The following CDH10 variants were observed in gnomAD, a reference collection of about 807,000 sequenced individuals.
The protein encoded by CDH10 is cadherin-10.
A neutral mutation model predicts 73.1 loss-of-function variants in CDH10; 30 were observed. The observed-to-expected ratio is 0.41, with a 90% CI of 0.31 to 0.56. The LOEUF (loss-of-function observed/expected upper bound fraction) is 0.56, where lower values mean the gene tolerates loss of function less well. Among genes scored for constraint, CDH10 ranks in the 20% least tolerant of loss-of-function variants. The probability of loss-of-function intolerance (pLI) is 0.27; values close to 1 mark genes in which losing one functional copy is unlikely to be tolerated. For synonymous variants in CDH10, 345 were observed against 348.2 expected, an observed-to-expected ratio of 0.99 and a Z score of 0.10; for missense variants, 815 against 973.7, an observed-to-expected ratio of 0.84 and a Z score of 2.17.
chr5:24,497,914 A>G (rs1246375588), intron 9 of CDH10, among the ~76,000 whole-genome samples: 1 of 152,228 alleles, frequency 6.6e-6, no homozygotes, highest in Non-Finnish European at 1.5e-5. Context: ...GATGAAATGC[A>G]ATATGTAAGT....
intron 1 of CDH10, among the ~76,000 whole-genome samples, chr5:24,599,453 A>G (rs1174203259): frequency 2.0e-5 from 3 of 152,172 alleles, no homozygotes; most frequent in Non-Finnish European, 4.4e-5. Flanking sequence ...GAATCCATTA[A>G]AGATTATTTT....
At chr5:24,559,211 G>A (rs1744871820) in intron 2 of CDH10, among the ~76,000 whole-genome samples, 1 of 151,896 alleles carries the variant, frequency 6.6e-6, no homozygotes, top group Non-Finnish European at 1.5e-5. Context: ...AAAATAGGCT[G>A]TTAACATTTT....
chr5:24,610,352 C>T (rs949616507), intron 1 of CDH10, among the ~76,000 whole-genome samples: 12 of 152,066 alleles, frequency 7.9e-5, no homozygotes, highest in African/African-American at 2.4e-4. Context: ...AATTTTTAAT[C>T]TTAGTTACAA....
At chr5:24,583,484 G>C (rs957275046) in intron 2 of CDH10, among the ~76,000 whole-genome samples, 1 of 151,742 alleles carries the variant, frequency 6.6e-6, no homozygotes, top group African/African-American at 2.4e-5. Context: ...AAAATTAATT[G>C]GATTTTTCTG....
intron 1 of CDH10, among the ~76,000 whole-genome samples, chr5:24,621,540 T>A (rs528516283): frequency 6.6e-6 from 1 of 152,246 alleles, no homozygotes; most frequent in Admixed American, 6.5e-5. Flanking sequence ...ACAGAGTATA[T>A]TGCATGTAAT....
intron 10 of CDH10, 46 bp from the exon 11 acceptor site, chr5:24,491,873 T>G (rs1742066539): frequency 7.6e-7 from 1 of 1,311,976 alleles, no homozygotes; most frequent in Non-Finnish European, 1.1e-6. Context: ...GATAGTAAAT[T>G]TTTCCCAATG....
chr5:24,626,854 GTATA>G (rs757099440), intron 1 of CDH10, among the ~76,000 whole-genome samples: 1 of 134,946 alleles, frequency 7.4e-6, no homozygotes, highest in Non-Finnish European at 1.6e-5. Flanking sequence ...ATATATAAGT[GTATA>G]TATATGTGTA....
intron 2 of CDH10, among the ~76,000 whole-genome samples, chr5:24,564,820 T>C (rs969710947): frequency 7.2e-5 from 11 of 152,274 alleles, no homozygotes; most frequent in South Asian, 6.2e-4. Context: ...CTTCCACCTC[T>C]CTCAGGATAC....
chr5:24,621,725 G>C (rs978443534), intron 1 of CDH10, among the ~76,000 whole-genome samples: 3 of 152,170 alleles, frequency 2.0e-5, no homozygotes, highest in African/African-American at 7.2e-5. Flanking sequence ...TATATAGATA[G>C]ATGGACATAT....
At chr5:24,552,100 A>G (rs1312771059) in intron 2 of CDH10, among the ~76,000 whole-genome samples, 1 of 152,136 alleles carries the variant, frequency 6.6e-6, no homozygotes, top group Non-Finnish European at 1.5e-5. Flanking sequence ...CATGAAACAT[A>G]TAAGTGCTTC....
At chr5:24,574,570 T>G (rs1471145092) in intron 2 of CDH10, among the ~76,000 whole-genome samples, 3 of 151,978 alleles carry the variant, frequency 2.0e-5, no homozygotes, top group Non-Finnish European at 2.9e-5. Context: ...TGAGATCTGA[T>G]GCCACTCCAG....
At chr5:24,632,345 TTTC>T (rs1747730658) in intron 1 of CDH10, among the ~76,000 whole-genome samples, 6 of 151,962 alleles carry the variant, frequency 3.9e-5, no homozygotes, top group African/African-American at 1.4e-4. Context: ...ACCATTTCAA[TTTC>T]AATTTCTGTT....
intron 1 of CDH10, among the ~76,000 whole-genome samples, chr5:24,638,926 T>G (rs921157974): frequency 2.6e-5 from 4 of 151,790 alleles, no homozygotes; most frequent in Admixed American, 2.0e-4. Context: ...AGTATGTAAT[T>G]CATGTTTTTG....
intron 1 of CDH10, among the ~76,000 whole-genome samples, chr5:24,623,938 T>C (rs1282051567): frequency 6.6e-6 from 1 of 152,098 alleles, no homozygotes; most frequent in Non-Finnish European, 1.5e-5. Context: ...GAAATGAAAG[T>C]TCTCTCTCTC....
At chr5:24,552,589 A>G (rs1190671538) in intron 2 of CDH10, among the ~76,000 whole-genome samples, 2 of 151,974 alleles carry the variant, frequency 1.3e-5, no homozygotes, top group Admixed American at 6.6e-5. Context: ...AACTTTGTCA[A>G]TGCAGATTTC....
At position 24,593,535 on chromosome 5, in the gene CDH10, C is replaced by A. The variant is rs184896083; in HGVS notation, c.-45G>T. The A allele has an allele frequency of 9.4e-7, 1 of 1,066,724 alleles. No homozygotes were observed. Among genetic ancestry groups the A allele is most frequent in the South Asian group, 1.3e-5 (1 of 76,146 alleles). 66.1% of individuals were successfully genotyped at this position (1,066,724 alleles called of 1,614,324 possible). A position where few individuals can be genotyped will look rare whatever the true frequency, so the allele number is the denominator to read the frequency against. ...CCCAGTGTAGATGAAGAGAAGTGGT[C>A]CTATTTTACCCAGTTGGTTTTACTG... is the stretch of plus-strand genomic sequence containing the variant. On this transcript the variant is annotated 5_prime_UTR_variant, in exon 2 of 12. Coordinates refer to ENST00000264463, the MANE Select transcript of CDH10 (RefSeq NM_006727.5).
intron 2 of CDH10, among the ~76,000 whole-genome samples, chr5:24,575,506 T>C (rs1156914568): frequency 6.6e-6 from 1 of 152,126 alleles, no homozygotes; most frequent in Non-Finnish European, 1.5e-5. Flanking sequence ...CTTGGCTCTA[T>C]TATATTGCTT....
intron 2 of CDH10, among the ~76,000 whole-genome samples, chr5:24,542,168 T>C (rs1356502071): frequency 6.6e-6 from 1 of 152,134 alleles, no homozygotes; most frequent in East Asian, 1.9e-4. Context: ...CTATCTAGTT[T>C]AAGACCATTT....
chr5:24,636,474 A>G (rs552217206), intron 1 of CDH10, among the ~76,000 whole-genome samples: 1 of 151,962 alleles, frequency 6.6e-6, no homozygotes, highest in African/African-American at 2.4e-5. Context: ...TGTCCTCACA[A>G]AAACAGACTA....
Sources: allele counts gnomAD v4.1 joint callset (sites outside exome capture counted in the v4.1 genomes callset), GRCh38; gene constraint gnomAD v4.1.1; transcripts MANE v1.5; gene names NCBI Gene and HGNC (gene_info 2026-07-23, HGNC 2026-07-21).